GMNN: variants seen among roughly 807,000 people sequenced by gnomAD.
GMNN encodes the protein geminin DNA replication inhibitor.
In GMNN, 14 loss-of-function variants were observed where a neutral mutation model predicts 20.9. That is an observed-to-expected ratio of 0.67 (90% CI 0.44 to 1.05). The LOEUF is 1.05. Among genes scored for constraint, GMNN ranks in the 50% least tolerant of loss-of-function variants. The probability of loss-of-function intolerance (pLI) is 0.00; values close to 1 mark genes in which losing one functional copy is unlikely to be tolerated. For synonymous variants in GMNN, 81 were observed against 85.8 expected (o/e 0.94, Z 0.31); for missense variants, 227 against 243.8 (o/e 0.93, Z 0.46).
intron 1 of GMNN, 155 bp from the exon 2 acceptor site, chr6:24,777,067 C>T: frequency 5.0e-6 from 2 of 397,906 alleles, no homozygotes; most frequent in Non-Finnish European, 4.6e-6. Context: ...GAGTCATTAA[C>T]TTTAGTCACC....
intron 4 of GMNN, among the ~76,000 whole-genome samples, chr6:24,782,045 A>G (rs1234473026): frequency 1.3e-5 from 2 of 151,952 alleles, no homozygotes; most frequent in African/African-American, 2.4e-5. Context: ...TGATAGCACC[A>G]CTGCACTCCA....
In GMNN at chr6:24,781,498, A is replaced by G. The variant is rs771842226; in HGVS notation, c.151A>G (p.Arg51Gly). 2 of 1,598,650 alleles carry G rather than the reference A, an allele frequency of 1.3e-6. No individual in the cohort carries two copies. Among genetic ancestry groups the G allele is most frequent in the East Asian group, 2.2e-5 (1 of 44,702 alleles). ...ATAGCTGTCCGCAGGCTTGTCCAAA[A>G]GGAAACATCGGAATGACCACTTAAC... The part of the protein sequence containing the change: ...ENELSAGLSK[R>G]KHRNDHLTST... Residue 51 changes from arginine (R) to glycine (G), a missense_variant, in exon 4 of 7, where the codon AGG (arginine) becomes GGG (glycine). Coordinates refer to ENST00000230056, the MANE Select transcript of GMNN (RefSeq NM_015895.5).
chr6:24,780,674 C>A lies in GMNN; in HGVS notation c.63C>A (p.Val21=). The change falls in exon 3 of 7, where the codon GTC becomes GTA. Residue 21 remains valine (V), a synonymous_variant. Transcript: ENST00000230056. ...TGCTGACTTTTTAGAATAGTTCTGT[C>A]CCAAGAAGAACTCTGAAGATGATTC... ...EIKENIKNSS[V]PRRTLKMIQP... 6.3e-7 allele frequency: 1 copy of A among 1,578,050 alleles called. No individual in the cohort carries two copies. Among genetic ancestry groups the A allele is most frequent in the South Asian group, 1.1e-5 (1 of 90,324 alleles).
chr6:24,783,998 G>A, intron 4 of GMNN, 89 bp from the exon 5 acceptor site: 1 of 592,296 alleles, frequency 1.7e-6, no homozygotes, highest in Non-Finnish European at 3.1e-6. Context: ...AAACAATATG[G>A]GGGTACTAAG....
At chr6:24,778,989 A>T (rs1028930220) in intron 2 of GMNN, among the ~76,000 whole-genome samples, 1 of 152,178 alleles carries the variant, frequency 6.6e-6, no homozygotes, top group African/African-American at 2.4e-5. Flanking sequence ...AATATAAAGG[A>T]TACTAGGTTC....
chr6:24,785,946 A>G lies in GMNN; in HGVS notation c.*147A>G. 2 of 556,960 alleles carry G rather than the reference A, an allele frequency of 3.6e-6. No individual in the cohort carries two copies. The highest frequency in any genetic ancestry group is 6.3e-6 in the Non-Finnish European group (2 of 319,908). 34.5% of individuals were successfully genotyped at this position (556,960 alleles called of 1,614,324 possible). On this transcript the variant is annotated 3_prime_UTR_variant, in exon 7 of 7. Coordinates refer to ENST00000230056, the MANE Select transcript of GMNN (RefSeq NM_015895.5). The stretch of plus-strand genomic sequence containing the variant: ...TGGGACCCTATTGCATTAAAGTACA[A>G]ATACTATGTATTTTTAATCTATGAT...
chr6:24,776,724 C>G (rs1780081730), intron 1 of GMNN: 1 of 152,230 alleles, frequency 6.6e-6, no homozygotes, highest in Admixed American at 6.6e-5. Context: ...GCTTGTTAGT[C>G]CTTCAGTTCA....
Position 24,784,540 on chromosome 6 carries a change from G to T in GMNN, c.454G>T (p.Ala152Ser). 1 of 1,415,030 alleles carries T rather than the reference G, an allele frequency of 7.1e-7. No individual in the cohort carries two copies. The highest frequency in any genetic ancestry group is 1.2e-5 in the South Asian group (1 of 85,128). The allele number at this position is 1,415,030 out of a possible 1,614,324, so 87.7% of individuals were successfully genotyped here. Residue 152 changes from alanine to serine, a missense_variant, in exon 6 of 7, where the codon GCA becomes TCA. Transcript: ENST00000230056. ...AEVAEHVQYM[A>S]ELIERLNGEP... ...AGTAGCAGAACATGTACAGTATATG[G>T]CAGAGCTAATAGAGGTAGGTAATTT...
chr6:24,783,223 G>A (rs368683222), intron 4 of GMNN, among the ~76,000 whole-genome samples: 1 of 152,198 alleles, frequency 6.6e-6, no homozygotes, highest in East Asian at 1.9e-4. Context: ...GAAAATTTGA[G>A]CATCAAAATG....
intron 3 of GMNN, 35 bp downstream of exon 3, chr6:24,780,775 ATACAGTGTC>A: frequency 2.1e-6 from 2 of 960,528 alleles, no homozygotes; most frequent in Non-Finnish European, 3.4e-6. Context: ...GGTACTGGTG[ATACAGTGTC>A]TACATCGAAA....
intron 2 of GMNN, 76 bp downstream of exon 2, chr6:24,777,373 A>T (rs1780101268): frequency 1.8e-6 from 1 of 563,316 alleles, no homozygotes. Context: ...ATTTATCCAA[A>T]TTTAGCCTGG....
chr6:24,784,128 C>A lies in GMNN; in HGVS notation c.316C>A (p.Arg106=). The change falls in exon 5 of 7, where the codon CGG becomes AGG. Residue 106 remains arginine, a synonymous_variant. Transcript: ENST00000230056. ...GTATTGGAAGGAAGTGGCAGAAAAA[C>A]GGAGAAAGGCGCTGTATGAAGCACT... The part of the protein sequence containing the change: ...SQYWKEVAEK[R]RKALYEALKE... 6.5e-7 allele frequency: 1 copy of A among 1,530,284 alleles called. No homozygotes were observed. The highest frequency in any genetic ancestry group is 1.1e-5 in the South Asian group (1 of 87,934). 94.8% of individuals were successfully genotyped at this position (1,530,284 alleles called of 1,614,324 possible).
chr6:24,785,762 C>T lies in GMNN; in HGVS notation c.593C>T (p.Thr198Ile), dbSNP rs1216965196. 6 of 1,587,884 alleles carry T rather than the reference C, an allele frequency of 3.8e-6. No homozygotes were observed. Among genetic ancestry groups the T allele is most frequent in the Non-Finnish European group, 5.1e-6 (6 of 1,165,990 alleles). The change falls in exon 7 of 7, where the codon ACT becomes ATT. Residue 198 changes from threonine (T) to isoleucine (I), a missense_variant. By Grantham distance (89) the Thr-to-Ile change is moderately conservative (BLOSUM62 -1). Coordinates refer to ENST00000230056, the MANE Select transcript of GMNN (RefSeq NM_015895.5). The stretch of plus-strand genomic sequence containing the variant: ...GAAATTGGCACGTGTGCTGAAGGAA[C>T]TGTATCTTCCTCTACGGATGCAAAG... ...DSEIGTCAEG[T>I]VSSSTDAKPC...
intron 2 of GMNN, among the ~76,000 whole-genome samples, chr6:24,779,316 G>A (rs1780148160): frequency 6.6e-6 from 1 of 152,128 alleles, no homozygotes; most frequent in Non-Finnish European, 1.5e-5. Flanking sequence ...TTAGGCAAAA[G>A]TCTATATAGC....
intron 4 of GMNN, among the ~76,000 whole-genome samples, chr6:24,782,743 T>C (rs1349655912): frequency 1.3e-5 from 2 of 152,222 alleles, no homozygotes; most frequent in South Asian, 2.1e-4. Flanking sequence ...GTTGGTAATA[T>C]AACCACAGGT....
intron 2 of GMNN, among the ~76,000 whole-genome samples, chr6:24,779,983 A>C (rs1206284917): frequency 6.6e-6 from 1 of 152,178 alleles, no homozygotes; most frequent in Admixed American, 6.5e-5. Flanking sequence ...TGTTTTGTGT[A>C]AAGTATGTTC....
chr6:24,784,155 A>C lies in GMNN; in HGVS notation c.343A>C (p.Lys115Gln). ...KRRKALYEAL[K>Q]ENEKLHKEIE... ...GAGAAAGGCGCTGTATGAAGCACTT[A>C]AGGAAAATGAGAAAGTATGTATTGA... is the stretch of plus-strand genomic sequence containing the variant. The change falls in exon 5 of 7, where the codon AAG (lysine) becomes CAG (glutamine). Residue 115 changes from lysine to glutamine, a missense_variant. Coordinates refer to ENST00000230056, the MANE Select transcript of GMNN (RefSeq NM_015895.5). 1 of 1,492,668 alleles carries C rather than the reference A, an allele frequency of 6.7e-7. No individual in the cohort carries two copies. The highest frequency in any genetic ancestry group is 2.3e-5 in the East Asian group (1 of 44,168). The allele number at this position is 1,492,668 out of a possible 1,614,324, so 92.5% of individuals were successfully genotyped here.
chr6:24,785,619 T>A lies in GMNN; in HGVS notation c.469-19T>A. 1 of 1,287,088 alleles carries A rather than the reference T, an allele frequency of 7.8e-7. No individual in the cohort carries two copies. Among genetic ancestry groups the A allele is most frequent in the Non-Finnish European group, 1.1e-6 (1 of 908,428 alleles). 79.7% of individuals were successfully genotyped at this position (1,287,088 alleles called of 1,614,324 possible). ...GTTTTAACATTTTTACAATAAATTATTGGTTTATTCTTTAAAAGAGACTGA... is the reference window on the plus strand; with the variant it reads ...GTTTTAACATTTTTACAATAAATTAATGGTTTATTCTTTAAAAGAGACTGA... On this transcript the variant is annotated intron_variant, in intron 6 of 6. Transcript: ENST00000230056.
Position 24,775,211 on chromosome 6 carries a change from G to C in GMNN, c.-59G>C, listed in dbSNP as rs1392160648. ...CCCTCCGGCCAACCTCTGAAGCCGCGTCCTACTTTGACAGCTGCAGGGCCG... is the reference window on the plus strand; with the variant it reads ...CCCTCCGGCCAACCTCTGAAGCCGCCTCCTACTTTGACAGCTGCAGGGCCG... On this transcript the variant is annotated 5_prime_UTR_variant, in exon 1 of 7. Transcript: ENST00000230056. 1 of 152,376 alleles carries C rather than the reference G, an allele frequency of 6.6e-6. No homozygotes were observed. The allele number at this position is 152,376 out of a possible 1,614,324, so 9.4% of individuals were successfully genotyped here.
Sources: allele counts gnomAD v4.1 joint callset (sites outside exome capture counted in the v4.1 genomes callset), GRCh38; gene constraint gnomAD v4.1.1; transcripts MANE v1.5; gene names NCBI Gene and HGNC (gene_info 2026-07-23, HGNC 2026-07-21).